The following YES1 variants were observed in gnomAD, a reference collection of about 807,000 sequenced individuals.
YES1 encodes tyrosine-protein kinase Yes.
YES1 carries 39 observed loss-of-function variants against 70.4 expected under a neutral mutation model. The observed-to-expected ratio is 0.55, with a 90% CI of 0.43 to 0.72. The LOEUF (loss-of-function observed/expected upper bound fraction) is 0.72, where lower values mean the gene tolerates loss of function less well. YES1 is among the 30% of genes least tolerant of loss of function. The pLI, the probability that YES1 is intolerant of heterozygous loss-of-function variation, is 0.00. For missense variants in YES1, 495 were observed against 644.8 expected, an observed-to-expected ratio of 0.77 and a Z score of 2.52; for synonymous variants, 198 against 218.6, an observed-to-expected ratio of 0.91 and a Z score of 0.83.
chr18:732,861 C>T lies in YES1; in HGVS notation c.1396G>A (p.Val466Ile), dbSNP rs575134173. The T allele has an allele frequency of 6.2e-7, 1 of 1,614,196 alleles. No individual in the cohort carries two copies. The highest frequency in any genetic ancestry group is 1.1e-5 in the South Asian group (1 of 91,078). The change falls in exon 11 of 12, where the codon GTA becomes ATA. Residue 466 changes from valine (V) to isoleucine (I), a missense_variant. Val to Ile is a conservative substitution (Grantham distance 29). Coordinates refer to ENST00000314574, the MANE Select transcript of YES1 (RefSeq NM_005433.4). ...WSFGILQTEL[V>I]TKGRVPYPGM... ...GGATATGGCACTCGGCCCTTTGTTA[C>T]TAGTTCTGTTTGCAGAATTCCAAAT...
chr18:747,837 G>A, intron 4 of YES1, 83 bp downstream of exon 4: 2 of 1,236,276 alleles, frequency 1.6e-6, no homozygotes, highest in South Asian at 2.5e-5. Context: ...AATTCTGTGT[G>A]TGTAAAGTTG....
At chr18:791,998 C>G (rs1474428331) in intron 1 of YES1, among the ~76,000 whole-genome samples, 4 of 152,124 alleles carry the variant, frequency 2.6e-5, no homozygotes, top group Non-Finnish European at 5.9e-5. Context: ...TTGGACTAGC[C>G]ACATTTCAAG....
chr18:771,244 G>A (rs993801597), intron 1 of YES1, among the ~76,000 whole-genome samples: 1 of 151,996 alleles, frequency 6.6e-6, no homozygotes, highest in Non-Finnish European at 1.5e-5. Context: ...GTGCATGCCT[G>A]TAATCCCAGC....
chr18:733,509 C>T (rs545580807), intron 10 of YES1, among the ~76,000 whole-genome samples: 3 of 151,542 alleles, frequency 2.0e-5, no homozygotes, highest in East Asian at 2.0e-4. Flanking sequence ...TTCGGCCGGG[C>T]GCGGTGGCTC....
intron 10 of YES1, chr18:736,520 C>T (rs757340035): frequency 4.6e-5 from 10 of 219,398 alleles, no homozygotes; most frequent in East Asian, 4.3e-4. Context: ...GAACCTCTGG[C>T]CTTTCTAGGA....
chr18:735,742 C>T (rs543372500), intron 10 of YES1: 1 of 152,164 alleles, frequency 6.6e-6, no homozygotes, highest in African/African-American at 2.4e-5. Flanking sequence ...AAAAAACCTA[C>T]ATATTGGGTA....
At chr18:760,162 T>A (rs1904513002) in intron 1 of YES1, among the ~76,000 whole-genome samples, 1 of 152,028 alleles carries the variant, frequency 6.6e-6, no homozygotes, top group Non-Finnish European at 1.5e-5. Flanking sequence ...TAGTGCAATC[T>A]GGAGACAATT....
At chr18:741,150 G>A (rs1002762216) in intron 8 of YES1, among the ~76,000 whole-genome samples, 1 of 152,094 alleles carries the variant, frequency 6.6e-6, no homozygotes, top group Non-Finnish European at 1.5e-5. Context: ...TGCCTGCCTC[G>A]GCCTCCCAAA....
At chr18:724,716 A>C in intron 11 of YES1, 84 bp from the exon 12 acceptor site, 62 of 1,017,130 alleles carry the variant, frequency 6.1e-5, no homozygotes, top group Non-Finnish European at 8.4e-5. Flanking sequence ...CCACTAACTC[A>C]TTCAAAGTAT....
intron 1 of YES1, among the ~76,000 whole-genome samples, chr18:761,644 G>A (rs1904600528): frequency 6.6e-6 from 1 of 151,994 alleles, no homozygotes; most frequent in Admixed American, 6.6e-5. Context: ...CTGTCCTCCA[G>A]CCTCATTTTC....
At chr18:735,524 A>C (rs2080142424) in intron 10 of YES1, among the ~76,000 whole-genome samples, 1 of 151,898 alleles carries the variant, frequency 6.6e-6, no homozygotes, top group African/African-American at 2.4e-5. Flanking sequence ...AAAAGACTAC[A>C]TGTTGGAGGT....
At chr18:812,290 G>C (rs1300780140), upstream of YES1, 14 of 150,274 alleles carry the variant, frequency 9.3e-5, no homozygotes, top group Admixed American at 5.9e-4. Flanking sequence ...GGAGTTCCCG[G>C]GCTCCCCACG....
intron 1 of YES1, among the ~76,000 whole-genome samples, chr18:757,069 T>G (rs1161611808): frequency 6.6e-6 from 1 of 152,176 alleles, no homozygotes; most frequent in Non-Finnish European, 1.5e-5. Flanking sequence ...CCTTTAATAG[T>G]CCAATGACAA....
intron 1 of YES1, among the ~76,000 whole-genome samples, chr18:775,778 C>CA: frequency 6.6e-6 from 1 of 151,782 alleles, no homozygotes; most frequent in South Asian, 2.1e-4. Context: ...GCCTGGGTGA[C>CA]AGAGTGAGAA....
rs192176188 is a variant in YES1 at position 722,736 on chromosome 18, C to T, written c.*1688G>A. 6.6e-6 allele frequency: 1 copy of T among 152,142 alleles called. No individual in the cohort carries two copies. Among genetic ancestry groups the T allele is most frequent in the African/African-American group, 2.4e-5 (1 of 41,426 alleles). 9.4% of individuals were successfully genotyped at this position (152,142 alleles called of 1,614,324 possible). On this transcript the variant is annotated 3_prime_UTR_variant, in exon 12 of 12. Coordinates refer to ENST00000314574, the MANE Select transcript of YES1 (RefSeq NM_005433.4). ...GTTAATATTCAGAATAAGTTTTCCT[C>T]CCCAAATCAACCATTTAATGTATTC...
chr18:792,597 A>T (rs1424671984), intron 1 of YES1, among the ~76,000 whole-genome samples: 1 of 151,774 alleles, frequency 6.6e-6, no homozygotes, highest in African/African-American at 2.4e-5. Context: ...ATATACATAT[A>T]TACATATATA....
chr18:765,549 C>A (rs968323975), intron 1 of YES1, among the ~76,000 whole-genome samples: 1 of 151,712 alleles, frequency 6.6e-6, no homozygotes, highest in South Asian at 2.1e-4. Flanking sequence ...CAGGCGTGTA[C>A]CACCACACCC....
At chr18:749,194 C>CA (rs1454975307) in intron 3 of YES1, among the ~76,000 whole-genome samples, 1 of 151,540 alleles carries the variant, frequency 6.6e-6, no homozygotes, top group Non-Finnish European at 1.5e-5. Flanking sequence ...AACAAAAACC[C>CA]AAAAAAACTG....
At chr18:791,523 A>T (rs1202861283) in intron 1 of YES1, among the ~76,000 whole-genome samples, 3 of 152,324 alleles carry the variant, frequency 2.0e-5, no homozygotes, top group Middle Eastern at 3.4e-3. Flanking sequence ...TCTAAGGTCA[A>T]AGACACTCTC....
Sources: gnomAD v4.1 joint callset for allele counts (sites outside exome capture counted in the v4.1 genomes callset) on GRCh38, gnomAD v4.1.1 for gene constraint, MANE v1.5 for transcripts, NCBI Gene and HGNC (gene_info 2026-07-23, HGNC 2026-07-21) for gene names.